ROBO2: variants seen among roughly 807,000 people sequenced by gnomAD.
The protein encoded by ROBO2 is roundabout homolog 2.
In ROBO2, 53 loss-of-function variants were observed where a neutral mutation model predicts 160.8. The ratio of observed to expected loss-of-function variants is 0.33; its 90% CI spans 0.26 to 0.41. The LOEUF (loss-of-function observed/expected upper bound fraction) is 0.41, where lower values mean the gene tolerates loss of function less well. Ranked by LOEUF, ROBO2 falls within the 10% of genes least tolerant of loss-of-function variation. The pLI, the probability that ROBO2 is intolerant of heterozygous loss-of-function variation, is 1.00. For synonymous variants in ROBO2, 664 were observed against 611.7 expected, an observed-to-expected ratio of 1.09 and a Z score of -1.26; for missense variants, 1,577 against 1,722.4, an observed-to-expected ratio of 0.92 and a Z score of 1.49.
chr3:76,048,538 A>G (rs1456327423), intron 2 of ROBO2, among the ~76,000 whole-genome samples: 1 of 152,200 alleles, frequency 6.6e-6, no homozygotes, highest in Non-Finnish European at 1.5e-5. Flanking sequence ...TTTTGATCAT[A>G]TGAATGATAA....
chr3:76,961,958 G>T (rs887650661), intron 2 of ROBO2, among the ~76,000 whole-genome samples: 1 of 152,116 alleles, frequency 6.6e-6, no homozygotes, highest in Non-Finnish European at 1.5e-5. Flanking sequence ...CAATGCTTTG[G>T]GAGGCCAAGG....
intron 2 of ROBO2, among the ~76,000 whole-genome samples, chr3:77,327,128 T>C (rs2065475490): frequency 6.6e-6 from 1 of 152,210 alleles, no homozygotes; most frequent in Admixed American, 6.5e-5. Context: ...AATGTTGTTC[T>C]ATATAAAATT....
At chr3:77,643,921 A>G (rs2095383072) in intron 24 of ROBO2, among the ~76,000 whole-genome samples, 1 of 152,202 alleles carries the variant, frequency 6.6e-6, no homozygotes, top group East Asian at 1.9e-4. Flanking sequence ...ATTGAAGACT[A>G]TGTAAGGGGA....
chr3:75,938,219 A>AT (rs1425541502), intron 2 of ROBO2, among the ~76,000 whole-genome samples: 2 of 151,840 alleles, frequency 1.3e-5, no homozygotes, highest in African/African-American at 4.8e-5. Context: ...AGGGCCATAG[A>AT]TTTTGTAATA....
intron 13 of ROBO2, 83 bp from the exon 15 acceptor site, chr3:77,574,416 G>T: frequency 8.5e-7 from 1 of 1,170,088 alleles, no homozygotes; most frequent in South Asian, 1.3e-5. Context: ...GACAGAAATG[G>T]GACAAATGAA....
At chr3:77,048,338 G>C (rs2064894797) in intron 1 of ROBO2, among the ~76,000 whole-genome samples, 1 of 152,112 alleles carries the variant, frequency 6.6e-6, no homozygotes, top group African/African-American at 2.4e-5. Context: ...ACACAGCTGT[G>C]ACAGTTGTGC....
At chr3:76,303,359 G>GTGTA (rs1553699826) in intron 2 of ROBO2, among the ~76,000 whole-genome samples, 5 of 151,458 alleles carry the variant, frequency 3.3e-5, no homozygotes, top group East Asian at 3.9e-4. Context: ...GTGTGTGTGT[G>GTGTA]TATATATATA....
chr3:76,978,796 T>C (rs1217150366), intron 2 of ROBO2, among the ~76,000 whole-genome samples: 3 of 152,026 alleles, frequency 2.0e-5, no homozygotes. Flanking sequence ...TGCACATATA[T>C]GAATACGATT....
At chr3:76,989,252 G>T (rs2060540034) in intron 2 of ROBO2, among the ~76,000 whole-genome samples, 1 of 152,074 alleles carries the variant, frequency 6.6e-6, no homozygotes, top group African/African-American at 2.4e-5. Flanking sequence ...TAAGCACTTT[G>T]CATGGGATAT....
rs138814295 is a variant in ROBO2 at position 76,347,602 on chromosome 3, A to G, written c.109+410000A>G. Among the ~76,000 whole-genome samples, 1,012 of 152,140 alleles carry G rather than the reference A, an allele frequency of 6.7e-3. 3 individuals are homozygous for G. The highest frequency in any genetic ancestry group is 0.01 in the Middle Eastern group (3 of 294). ...ACTAAGTGTGATTTTGTTCTGTTTA[A>G]CTTATTTATAATCTTATACTTTTTA... On this transcript the variant is annotated intron_variant, in intron 2 of 26. Coordinates refer to the ROBO2 transcript ENST00000487694.
At chr3:77,095,313 A>C (rs1446137512) in intron 1 of ROBO2, among the ~76,000 whole-genome samples, 2 of 152,132 alleles carry the variant, frequency 1.3e-5, no homozygotes, top group African/African-American at 4.8e-5. Flanking sequence ...CTCATTGGAC[A>C]TACTGGAGTT....
chr3:77,337,961 C>T (rs909898019), intron 2 of ROBO2, among the ~76,000 whole-genome samples: 2 of 152,078 alleles, frequency 1.3e-5, no homozygotes, highest in South Asian at 2.1e-4. Flanking sequence ...TTAATCTGTA[C>T]GTATTGGTTG....
chr3:77,289,835 A>G (rs972400055), intron 2 of ROBO2, among the ~76,000 whole-genome samples: 1 of 152,096 alleles, frequency 6.6e-6, no homozygotes, highest in Non-Finnish European at 1.5e-5. Flanking sequence ...TTAAACAGGT[A>G]AGCTGAGGCT....
chr3:76,084,839 C>A (rs1322056240), intron 2 of ROBO2, among the ~76,000 whole-genome samples: 1 of 152,116 alleles, frequency 6.6e-6, no homozygotes, highest in Non-Finnish European at 1.5e-5. Context: ...TGGACTCATC[C>A]AATCCCTGGA....
chr3:76,993,433 C>G (rs2060804338), intron 2 of ROBO2, among the ~76,000 whole-genome samples: 1 of 152,152 alleles, frequency 6.6e-6, no homozygotes, highest in Admixed American at 6.5e-5. Context: ...TTCTAGATCA[C>G]TATCCCCAAA....
At chr3:76,731,967 A>G (rs775688328) in intron 2 of ROBO2, among the ~76,000 whole-genome samples, 5 of 152,158 alleles carry the variant, frequency 3.3e-5, no homozygotes, top group Non-Finnish European at 7.3e-5. Flanking sequence ...AGAAATGAGG[A>G]AATACAACAA....
chr3:77,039,320 T>G (rs2063837013), upstream of ROBO2, among the ~76,000 whole-genome samples: 1 of 152,018 alleles, frequency 6.6e-6, no homozygotes, highest in African/African-American at 2.4e-5. Flanking sequence ...GGCTAAAAGG[T>G]GAAGAGTGAG....
intron 24 of ROBO2, among the ~76,000 whole-genome samples, chr3:77,644,092 C>T (rs1376130609): frequency 6.7e-6 from 1 of 148,470 alleles, no homozygotes; most frequent in African/African-American, 2.5e-5. Flanking sequence ...TAACATATGT[C>T]ATGAGTTATT....
At chr3:77,354,566 A>T (rs2068799654) in intron 2 of ROBO2, among the ~76,000 whole-genome samples, 1 of 152,208 alleles carries the variant, frequency 6.6e-6, no homozygotes, top group African/African-American at 2.4e-5. Flanking sequence ...TTGGGGAAAG[A>T]TTGTCAACTG....
Sources: gnomAD v4.1 joint callset for allele counts (sites outside exome capture counted in the v4.1 genomes callset) on GRCh38, gnomAD v4.1.1 for gene constraint, MANE v1.5 for transcripts, NCBI Gene and HGNC (gene_info 2026-07-23, HGNC 2026-07-21) for gene names.